The following NDST1 variants were observed in gnomAD, a reference collection of about 807,000 sequenced individuals.
The protein encoded by NDST1 is bifunctional heparan sulfate N-deacetylase/N-sulfotransferase 1.
NDST1 carries 35 observed loss-of-function variants against 92.8 expected under a neutral mutation model. The ratio of observed to expected loss-of-function variants is 0.38; its 90% confidence interval spans 0.29 to 0.50. The LOEUF (loss-of-function observed/expected upper bound fraction) is 0.50, where lower values mean the gene tolerates loss of function less well. Ranked by LOEUF, NDST1 falls within the 20% of genes least tolerant of loss-of-function variation. The pLI, the probability that NDST1 is intolerant of heterozygous loss-of-function variation, is 0.94. For synonymous variants in NDST1, 493 were observed against 500.3 expected, an observed-to-expected ratio of 0.99 and a Z score of 0.19; for missense variants, 822 against 1,182.7, an observed-to-expected ratio of 0.69 and a Z score of 4.47.
chr5:150,535,178 T>C (rs1754926329), intron 5 of NDST1, 157 bp downstream of exon 5: 2 of 808,398 alleles, frequency 2.5e-6, no homozygotes, highest in Non-Finnish European at 3.0e-6. Context: ...ATAGCCACTG[T>C]CTCCTTGAAG....
Position 150,532,953 on chromosome 5 carries a change from T to G in NDST1, c.1017T>G (p.Phe339Leu), listed in dbSNP as rs1453825359. 1 of 1,614,210 alleles carries G rather than the reference T, an allele frequency of 6.2e-7. No homozygotes were observed. The highest frequency in any genetic ancestry group is 1.1e-5 in the South Asian group (1 of 91,086). Residue 339 changes from phenylalanine to leucine, a missense_variant, in exon 4 of 15, where the codon TTT becomes TTG. Physicochemically the swap from Phe to Leu is conservative, Grantham distance 22. Transcript: ENST00000261797. The stretch of plus-strand genomic sequence containing the variant: ...TCCCCTGCCTGTCCTAGGCCCTGTT[T>G]GACACACAGAACGAACTACGCGCAC... ...RMKVEDVKALFDTQNELRAHI... is the reference protein window; with the variant it reads ...RMKVEDVKALLDTQNELRAHI...
At position 150,508,193 on chromosome 5, in the gene NDST1, G is replaced by A. The variant is rs1374118537; in HGVS notation, c.-421G>A. ...GACATTCGAGAGGGCGTGGCGAAGT[G>A]AAGAGGAACCTCACGCCACTGCCTG... On this transcript the variant is annotated 5_prime_UTR_variant, in exon 1 of 15. Transcript: ENST00000261797. The A allele has an allele frequency of 6.6e-6, 1 of 152,512 alleles. No individual in the cohort carries two copies. 9.4% of individuals were successfully genotyped at this position (152,512 alleles called of 1,614,324 possible).
At chr5:150,516,319 T>C (rs1753963472) in intron 1 of NDST1, among the ~76,000 whole-genome samples, 1 of 152,238 alleles carries the variant, frequency 6.6e-6, no homozygotes, top group Non-Finnish European at 1.5e-5. Flanking sequence ...TGAGCTAAGC[T>C]GTGATCCACA....
rs756585445 is a variant in NDST1 at position 150,553,205 on chromosome 5, C to T, written c.2530-8C>T. On this transcript the variant is annotated splice_region_variant and splice_polypyrimidine_tract_variant and intron_variant, in intron 14 of 14. Transcript: ENST00000261797. The surrounding 1 kb of genome is among the most constrained non-coding windows in gnomAD (Gnocchi z 4.2). ...TACACAAGGTCTGAGCTTTCCTTCC[C>T]GTTACAGTCCCGAGCCTTCCTGAAG... 15 of 1,612,012 alleles carry T rather than the reference C, an allele frequency of 9.3e-6. No homozygotes were observed. Among genetic ancestry groups the T allele is most frequent in the Middle Eastern group, 1.7e-4 (1 of 6,050 alleles).
rs147101603 is a variant in NDST1, at chr5:150,520,290, G to A, written c.-387-578G>A. Reference sequence around the variant, plus strand: ...ACAGCTAAGGCACACATGCCCTGCAGCCTGCTAATGAATCCTGGCTTGGCT... The same window carrying A: ...ACAGCTAAGGCACACATGCCCTGCAACCTGCTAATGAATCCTGGCTTGGCT... On this transcript the variant is annotated intron_variant, in intron 1 of 14. Transcript: ENST00000261797. 2.0e-5 allele frequency among the ~76,000 whole-genome samples: 3 copies of A among 151,804 alleles called. No homozygotes were observed. In the East Asian group the frequency reaches 5.8e-4, roughly 29 times the overall value.
At chr5:150,539,505 C>T in intron 7 of NDST1, 149 bp downstream of exon 7, 1 of 1,544,844 alleles carries the variant, frequency 6.5e-7, no homozygotes, top group Middle Eastern at 1.7e-4. Context: ...AGCACTGGCC[C>T]TGCCTCGGCT....
chr5:150,537,502 C>T (rs564617113), intron 6 of NDST1, among the ~76,000 whole-genome samples: 45 of 152,288 alleles, frequency 3.0e-4, no homozygotes, highest in African/African-American at 9.1e-4. Flanking sequence ...TCTCCCATAG[C>T]GCTCCCAGGC....
In NDST1 at chr5:150,540,133, C is replaced by T; in HGVS notation, c.1618C>T (p.Leu540=). ...LSNYGNDRLG[L]YTFKHLVRFL... ...CAACTATGGGAATGACCGCCTGGGC[C>T]TGTACACCTTCAAGCACCTGGTGCG... is the stretch of plus-strand genomic sequence containing the variant. The change falls in exon 8 of 15, where the codon CTG becomes TTG. Residue 540 remains leucine (L), a synonymous_variant. Transcript: ENST00000261797. The T allele has an allele frequency of 1.2e-6, 2 of 1,614,224 alleles. No individual in the cohort carries two copies. Among genetic ancestry groups the T allele is most frequent in the African/African-American group, 2.7e-5 (2 of 75,054 alleles).
At chr5:150,513,424 G>A (rs1490926969) in intron 1 of NDST1, among the ~76,000 whole-genome samples, 1 of 152,190 alleles carries the variant, frequency 6.6e-6, no homozygotes, top group East Asian at 1.9e-4. Flanking sequence ...CTTGAACCCA[G>A]GAGGGGAAGG....
At chr5:150,552,392 GA>G (rs1554102232) in intron 14 of NDST1, among the ~76,000 whole-genome samples, 2 of 152,114 alleles carry the variant, frequency 1.3e-5, no homozygotes, top group Non-Finnish European at 1.5e-5. Context: ...ACCATAGGGG[GA>G]AAAAAGAAAT....
chr5:150,534,475 A>C (rs1561601092), intron 4 of NDST1, among the ~76,000 whole-genome samples: 1 of 152,194 alleles, frequency 6.6e-6, no homozygotes, highest in Non-Finnish European at 1.5e-5. Context: ...AGGGTCAAAC[A>C]TCCTGTATAT....
chr5:150,509,757 C>T (rs1390960663), intron 1 of NDST1, among the ~76,000 whole-genome samples: 1 of 152,222 alleles, frequency 6.6e-6, no homozygotes, highest in Non-Finnish European at 1.5e-5. Context: ...GATCTACCCG[C>T]CTCAGCCTCC....
intron 1 of NDST1, among the ~76,000 whole-genome samples, chr5:150,512,378 C>T (rs566618921): frequency 1.1e-4 from 17 of 152,296 alleles, no homozygotes; most frequent in Admixed American, 5.2e-4. Context: ...GCAGCCATGT[C>T]GTACCAGAGA....
At chr5:150,531,624 C>T (rs1210102690) in intron 3 of NDST1, among the ~76,000 whole-genome samples, 2 of 152,074 alleles carry the variant, frequency 1.3e-5, no homozygotes, top group Non-Finnish European at 1.5e-5. Flanking sequence ...CTCAGCCTCC[C>T]GAATAGCTGG....
rs185159224 is a variant in NDST1, at chr5:150,513,849, C to G, written c.-388+5623C>G. 5.1e-3 allele frequency among the ~76,000 whole-genome samples: 783 copies of G among 152,336 alleles called. 9 individuals are homozygous for G. The highest frequency in any genetic ancestry group is 4.8e-3 in the Non-Finnish European group (325 of 68,022). ...TCTTATGGGTCCGGGGCAGCATTTT[C>G]AGGTGGGGATGTTAGATAGAGTGAC... is the stretch of plus-strand genomic sequence containing the variant. On this transcript the variant is annotated intron_variant, in intron 1 of 14. Coordinates refer to ENST00000261797, the MANE Select transcript of NDST1 (RefSeq NM_001543.5).
chr5:150,541,584 C>T lies in NDST1; in HGVS notation c.1764C>T (p.Asp588=), dbSNP rs757892804. The T allele has an allele frequency of 1.9e-6, 3 of 1,614,224 alleles. No homozygotes were observed. The East Asian group carries it at 6.7e-5, about 36-fold the overall frequency. The change falls in exon 9 of 15, where the codon GAC becomes GAT. Residue 588 remains aspartate, a synonymous_variant. Transcript: ENST00000261797. ...KDPLWQDPCE[D]KRHKDIWSKE... is the part of the protein sequence containing the mutation. The stretch of plus-strand genomic sequence containing the variant: ...TGTTGTTTTAGGACCCCTGCGAGGA[C>T]AAACGTCACAAAGACATCTGGTCCA...
chr5:150,549,931 A>C, intron 13 of NDST1, 144 bp downstream of exon 13: 2 of 693,170 alleles, frequency 2.9e-6, no homozygotes, highest in Non-Finnish European at 5.3e-6. Flanking sequence ...CTTAAGTCAT[A>C]TTAATAAAGG....
chr5:150,521,732 G>A lies in NDST1; in HGVS notation c.478G>A (p.Val160Met). The change falls in exon 2 of 15, where the codon GTG (valine) becomes ATG (methionine). Residue 160 changes from valine to methionine, a missense_variant. By Grantham distance (21) the Val-to-Met change is conservative. Coordinates refer to ENST00000261797, the MANE Select transcript of NDST1 (RefSeq NM_001543.5). The surrounding 1 kb of genome is among the most constrained non-coding windows in gnomAD (Gnocchi z 5.9). ...WNRELLDKYC[V>M]AYGVGIIGFF... ...CCGGGAGCTGCTGGACAAGTACTGT[G>A]TGGCCTACGGCGTGGGCATCATTGG... 6.2e-7 allele frequency: 1 copy of A among 1,613,954 alleles called. No homozygotes were observed. The highest frequency in any genetic ancestry group is 8.5e-7 in the Non-Finnish European group (1 of 1,180,024).
At chr5:150,515,445 C>T (rs1753913577) in intron 1 of NDST1, among the ~76,000 whole-genome samples, 1 of 152,216 alleles carries the variant, frequency 6.6e-6, no homozygotes, top group South Asian at 2.1e-4. Flanking sequence ...TCAGCCTCTG[C>T]ACCGTGGAGT....
Sources: allele counts gnomAD v4.1 joint callset (sites outside exome capture counted in the v4.1 genomes callset), GRCh38; gene constraint gnomAD v4.1.1; non-coding constraint Gnocchi (gnomAD v3.1); transcripts MANE v1.5; gene names NCBI Gene and HGNC (gene_info 2026-07-23, HGNC 2026-07-21).